PPP2R2B: variants seen among roughly 807,000 people sequenced by gnomAD.
PPP2R2B encodes the protein serine/threonine-protein phosphatase 2A 55 kDa regulatory subunit B beta isoform.
Under a neutral mutation model 46.0 loss-of-function variants are expected in PPP2R2B, and 5 were observed. That is an observed-to-expected ratio of 0.11 (90% CI 0.06 to 0.23). PPP2R2B has a LOEUF of 0.23. Among genes scored for constraint, PPP2R2B ranks in the 10% least tolerant of loss-of-function variants. The pLI is 1.00. For missense variants in PPP2R2B, 367 were observed against 575.0 expected, an observed-to-expected ratio of 0.64 and a Z score of 3.70; for synonymous variants, 215 against 206.7, an observed-to-expected ratio of 1.04 and a Z score of -0.34.
chr5:147,079,458 A>ATATATG (rs1191191502), intron 2 of PPP2R2B, among the ~76,000 whole-genome samples: 2 of 144,768 alleles, frequency 1.4e-5, no homozygotes, highest in African/African-American at 2.5e-5. Flanking sequence ...ATATATATAT[A>ATATATG]TATATATATA....
intron 2 of PPP2R2B, among the ~76,000 whole-genome samples, chr5:146,730,548 T>C (rs943845763): frequency 6.6e-6 from 1 of 152,098 alleles, no homozygotes; most frequent in Admixed American, 6.5e-5. Flanking sequence ...AATTCCCACA[T>C]GTTGTGGGAG....
chr5:146,746,223 G>T (rs951481214), intron 2 of PPP2R2B, among the ~76,000 whole-genome samples: 4 of 152,170 alleles, frequency 2.6e-5, no homozygotes, highest in African/African-American at 4.8e-5. Context: ...CTTTGAAAGG[G>T]AAATTAACTG....
chr5:146,877,920 A>G (rs909212505), intron 2 of PPP2R2B, 82 bp downstream of exon 2: 39 of 1,493,670 alleles, frequency 2.6e-5, no homozygotes, highest in Non-Finnish European at 3.3e-5. Context: ...CTCCGCCACT[A>G]CGCGCCCAGC....
At chr5:146,799,766 A>G (rs1033911686) in intron 2 of PPP2R2B, among the ~76,000 whole-genome samples, 3 of 152,252 alleles carry the variant, frequency 2.0e-5, no homozygotes, top group Middle Eastern at 3.2e-3. Flanking sequence ...TGTTTATAAA[A>G]CTGCAAACGA....
rs1293527019 is a variant in PPP2R2B at position 146,878,688 on chromosome 5, C to A, written c.-222G>T. 4 of 1,295,294 alleles carry A rather than the reference C, an allele frequency of 3.1e-6. No individual in the cohort carries two copies. Among genetic ancestry groups the A allele is most frequent in the African/African-American group, 3.1e-5 (2 of 64,508 alleles). 80.2% of individuals were successfully genotyped at this position (1,295,294 alleles called of 1,614,324 possible). A position where few individuals can be genotyped will look rare whatever the true frequency, so the allele number is the denominator to read the frequency against. The stretch of plus-strand genomic sequence containing the variant: ...GCTGGGCAGGGCGCTGCAGCCGGCG[C>A]CAGCGCACTCACCCTCACACCCACA... On this transcript the variant is annotated 5_prime_UTR_variant, in exon 1 of 10. Transcript: ENST00000394411. The surrounding 1 kb of genome is among the most constrained non-coding windows in gnomAD (Gnocchi z 4.5).
At chr5:146,909,503 C>A (rs1191914612) in intron 1 of PPP2R2B, among the ~76,000 whole-genome samples, 2 of 152,152 alleles carry the variant, frequency 1.3e-5, no homozygotes, top group African/African-American at 4.8e-5. Context: ...TCATAATCTC[C>A]CTGTTAGCTA....
intron 1 of PPP2R2B, among the ~76,000 whole-genome samples, chr5:146,938,263 A>C (rs796418137): frequency 6.6e-6 from 1 of 152,214 alleles, no homozygotes; most frequent in South Asian, 2.1e-4. Flanking sequence ...GATATATTAA[A>C]TGTGGAAAAA....
intron 6 of PPP2R2B, among the ~76,000 whole-genome samples, chr5:146,644,702 T>A (rs573760568): frequency 1.4e-3 from 207 of 152,346 alleles, no homozygotes; most frequent in African/African-American, 4.8e-3. Flanking sequence ...TCTCTGGGTT[T>A]CCATTTCTTT....
intron 2 of PPP2R2B, among the ~76,000 whole-genome samples, chr5:146,790,960 C>T (rs374609631): frequency 4.1e-4 from 63 of 152,098 alleles, no homozygotes; most frequent in African/African-American, 1.4e-3. Flanking sequence ...AAAGTCACAA[C>T]GAATGCTGCA....
At chr5:146,592,010 AAC>A (rs1770708578) in intron 9 of PPP2R2B, 1 of 339,260 alleles carries the variant, frequency 2.9e-6, no homozygotes, top group Admixed American at 4.0e-5. Context: ...GAGCAATAAT[AAC>A]AGATATGTAA....
At chr5:146,623,996 A>AT (rs1195156573) in intron 7 of PPP2R2B, among the ~76,000 whole-genome samples, 7 of 152,116 alleles carry the variant, frequency 4.6e-5, no homozygotes, top group East Asian at 1.9e-4. Context: ...CACACGAGAG[A>AT]TCCCCCCTTC....
intron 6 of PPP2R2B, among the ~76,000 whole-genome samples, chr5:146,643,249 AT>A (rs1775342745): frequency 6.6e-6 from 1 of 151,840 alleles, no homozygotes; most frequent in Admixed American, 6.6e-5. Context: ...TTCTTTGTGT[AT>A]TCTATAAGTG....
chr5:146,781,161 T>TATATATATAC (rs1554136178), intron 2 of PPP2R2B, among the ~76,000 whole-genome samples: 3 of 104,942 alleles, frequency 2.9e-5, no homozygotes, highest in African/African-American at 1.0e-4. Flanking sequence ...TATATATATA[T>TATATATATAC]ATATATATAT....
At chr5:146,639,637 C>T (rs1186462560) in intron 6 of PPP2R2B, among the ~76,000 whole-genome samples, 2 of 152,330 alleles carry the variant, frequency 1.3e-5, no homozygotes, top group Non-Finnish European at 2.9e-5. Context: ...AGCTGACCAA[C>T]AGGACTCCCA....
intron 2 of PPP2R2B, among the ~76,000 whole-genome samples, chr5:146,861,468 G>C (rs1760997148): frequency 6.6e-6 from 1 of 152,150 alleles, no homozygotes. Context: ...TGGGATTACA[G>C]GCGTGAGCCA....
rs1225865525 is a variant in PPP2R2B at position 146,580,766 on chromosome 5, T to C, written c.*9181A>G. Among the ~76,000 whole-genome samples, 4 of 149,008 alleles carry C rather than the reference T, an allele frequency of 2.7e-5. No individual in the cohort carries two copies. Among genetic ancestry groups the C allele is most frequent in the African/African-American group, 9.9e-5 (4 of 40,418 alleles). The stretch of plus-strand genomic sequence containing the variant: ...GTCACATTAGGAAGAATTTATTGAA[T>C]GCTAGATAACATGGAAAAGCTATAA... On this transcript the variant is annotated 3_prime_UTR_variant, in exon 10 of 10. Transcript: ENST00000394411.
chr5:146,995,627 G>A (rs1395774442), intron 1 of PPP2R2B, among the ~76,000 whole-genome samples: 1 of 152,182 alleles, frequency 6.6e-6, no homozygotes, highest in Non-Finnish European at 1.5e-5. Context: ...TTCCTGCATT[G>A]CTACTACATG....
At chr5:146,867,876 A>T (rs965291316) in intron 2 of PPP2R2B, among the ~76,000 whole-genome samples, 7 of 152,200 alleles carry the variant, frequency 4.6e-5, no homozygotes, top group African/African-American at 1.7e-4. Context: ...GAATTGTTAA[A>T]TTTTCTTTCC....
chr5:146,830,076 C>T (rs1758833490), intron 2 of PPP2R2B, among the ~76,000 whole-genome samples: 1 of 152,132 alleles, frequency 6.6e-6, no homozygotes, highest in Non-Finnish European at 1.5e-5. Flanking sequence ...ACAGTCAATG[C>T]TCAATAGATG....
Sources: allele counts gnomAD v4.1 joint callset (sites outside exome capture counted in the v4.1 genomes callset), GRCh38; gene constraint gnomAD v4.1.1; non-coding constraint Gnocchi (gnomAD v3.1); transcripts MANE v1.5; gene names NCBI Gene and HGNC (gene_info 2026-07-23, HGNC 2026-07-21).